Variants in LY86 observed in about 807,000 individuals in gnomAD.
LY86 encodes the protein lymphocyte antigen 86, also known as MD-1, RP105-associated.
In LY86, 20 loss-of-function variants were observed where a neutral mutation model predicts 17.3. The observed-to-expected ratio is 1.15, with a 90% CI of 0.81 to 1.68. The LOEUF is 1.68. LY86 is among the 40% of genes most tolerant of loss of function. LY86 has a pLI of 0.00. For missense variants in LY86, 200 were observed against 191.9 expected, an observed-to-expected ratio of 1.04 and a Z score of -0.25; for synonymous variants, 74 against 70.6, an observed-to-expected ratio of 1.05 and a Z score of -0.24.
rs749469633 is a variant in LY86 at position 6,649,617 on chromosome 6, T to C, written c.353-8T>C. 13 of 1,535,512 alleles carry C rather than the reference T, an allele frequency of 8.5e-6. No homozygotes were observed. The South Asian group carries it at 1.5e-4, about 18-fold the overall frequency. On this transcript the variant is annotated splice_region_variant and splice_polypyrimidine_tract_variant and intron_variant, in intron 3 of 4. Coordinates refer to ENST00000230568, the MANE Select transcript of LY86 (RefSeq NM_004271.4). The stretch of plus-strand genomic sequence containing the variant: ...ATAACATCATCTATGCTTTATATAT[T>C]TTTTCAGAGCAGATTTACTATGCTG...
At chr6:6,590,758 T>C (rs1760498469) in intron 1 of LY86, among the ~76,000 whole-genome samples, 1 of 152,176 alleles carries the variant, frequency 6.6e-6, no homozygotes, top group Non-Finnish European at 1.5e-5. Context: ...AGCATCTGAA[T>C]TGGCCTCACT....
At chr6:6,644,962 C>A (rs9392819) in intron 3 of LY86, among the ~76,000 whole-genome samples, 5,986 of 152,096 alleles carry the variant, frequency 0.039, 120 homozygotes, top group South Asian at 0.056. Flanking sequence ...CATGAGCCCC[C>A]AAAAAAGCTC....
intron 3 of LY86, among the ~76,000 whole-genome samples, chr6:6,631,155 A>C (rs1761892274): frequency 6.6e-6 from 1 of 152,126 alleles, no homozygotes; most frequent in Admixed American, 6.6e-5. Flanking sequence ...TCCAGGCCAT[A>C]CCCCAGACCA....
chr6:6,607,112 T>C (rs964909992), intron 1 of LY86, among the ~76,000 whole-genome samples: 6 of 152,198 alleles, frequency 3.9e-5, no homozygotes, highest in African/African-American at 1.4e-4. Context: ...CAGATAACAA[T>C]AGCACACAGA....
At chr6:6,596,785 T>C (rs1166333717) in intron 1 of LY86, among the ~76,000 whole-genome samples, 2 of 152,250 alleles carry the variant, frequency 1.3e-5, no homozygotes, top group Admixed American at 1.3e-4. Flanking sequence ...CAAGATCCTC[T>C]GGGTTTCCAT....
chr6:6,626,353 T>C lies in LY86; in HGVS notation c.284T>C (p.Leu95Ser), dbSNP rs759462700. 2.5e-6 allele frequency: 4 copies of C among 1,613,992 alleles called. No individual in the cohort carries two copies. In the East Asian group the frequency reaches 8.9e-5, roughly 36 times the overall value. The part of the protein sequence containing the change: ...LALMSQGSSV[L>S]NFSYPICEAA... The stretch of plus-strand genomic sequence containing the variant: ...CTCATGTCTCAAGGCTCATCTGTTT[T>C]GAATTTCTCCTATCCCATCTGTGAG... Residue 95 changes from leucine to serine, a missense_variant, in exon 3 of 5, where the codon TTG becomes TCG. Leu to Ser is a moderately radical substitution (Grantham distance 145). Coordinates refer to ENST00000230568, the MANE Select transcript of LY86 (RefSeq NM_004271.4).
intron 1 of LY86, among the ~76,000 whole-genome samples, chr6:6,601,948 T>C (rs1163304267): frequency 6.6e-6 from 1 of 152,198 alleles, no homozygotes; most frequent in Non-Finnish European, 1.5e-5. Context: ...TGTTTCAACA[T>C]TGCGCAGACC....
intron 1 of LY86, among the ~76,000 whole-genome samples, chr6:6,605,858 GC>G (rs964165752): frequency 1.6e-4 from 25 of 151,856 alleles, no homozygotes; most frequent in South Asian, 2.1e-4. Context: ...TCTTAAGGGG[GC>G]ATCTGGAGCT....
At chr6:6,610,180 A>G (rs1161448574) in intron 1 of LY86, among the ~76,000 whole-genome samples, 1 of 152,228 alleles carries the variant, frequency 6.6e-6, no homozygotes, top group Admixed American at 6.5e-5. Context: ...AAACCTGAGT[A>G]CAGTCTGTAG....
chr6:6,599,748 C>T (rs1760839761), intron 1 of LY86, among the ~76,000 whole-genome samples: 1 of 152,206 alleles, frequency 6.6e-6, no homozygotes. Flanking sequence ...GGCTTCAAGC[C>T]AAGTGCCTCC....
At chr6:6,624,410 T>TGGGAGGGGATGGGATGGGA (rs1480930527) in intron 1 of LY86, among the ~76,000 whole-genome samples, 1 of 40,210 alleles carries the variant, frequency 2.5e-5, no homozygotes. Flanking sequence ...ATGGGATGGG[T>TGGGAGGGGATGGGATGGGA]TGGGATGGGA....
At chr6:6,645,930 C>T (rs1052923132) in intron 3 of LY86, among the ~76,000 whole-genome samples, 2 of 152,122 alleles carry the variant, frequency 1.3e-5, no homozygotes, top group Admixed American at 6.5e-5. Context: ...TTCTGCTTCT[C>T]TTGCCAGAAC....
intron 1 of LY86, among the ~76,000 whole-genome samples, chr6:6,606,940 C>T (rs1561780827): frequency 6.6e-6 from 1 of 152,272 alleles, no homozygotes; most frequent in Non-Finnish European, 1.5e-5. Context: ...CGAGGAGGCG[C>T]TGAGAGCGAG....
intron 1 of LY86, among the ~76,000 whole-genome samples, chr6:6,610,622 A>C (rs528544635): frequency 6.6e-6 from 1 of 151,484 alleles, no homozygotes; most frequent in Admixed American, 6.5e-5. Context: ...CTAGGAACAT[A>C]CCAAGACAGT....
intron 1 of LY86, among the ~76,000 whole-genome samples, chr6:6,617,563 A>T (rs146674018): frequency 2.3e-3 from 357 of 152,332 alleles, no homozygotes; most frequent in Middle Eastern, 0.02. Context: ...ATGAAGTATT[A>T]TACATACGAT....
chr6:6,640,280 G>A (rs1022915184), intron 3 of LY86, among the ~76,000 whole-genome samples: 1 of 152,092 alleles, frequency 6.6e-6, no homozygotes, highest in Non-Finnish European at 1.5e-5. Context: ...GGGAGAGGCC[G>A]GGTGCAGTGT....
At chr6:6,589,611 TAAATAAC>T (rs1554122399) in intron 1 of LY86, among the ~76,000 whole-genome samples, 1 of 152,172 alleles carries the variant, frequency 6.6e-6, no homozygotes, top group Non-Finnish European at 1.5e-5. Context: ...GCTGGGGACT[TAAATAAC>T]AGATTTATTT....
chr6:6,605,896 T>G (rs537584534), intron 1 of LY86, among the ~76,000 whole-genome samples: 15 of 151,856 alleles, frequency 9.9e-5, no homozygotes, highest in African/African-American at 3.6e-4. Context: ...GGGTTCTTAG[T>G]CTCGCTGGCT....
At chr6:6,596,210 G>A (rs1053842865) in intron 1 of LY86, among the ~76,000 whole-genome samples, 22 of 152,146 alleles carry the variant, frequency 1.4e-4, no homozygotes, top group Admixed American at 1.1e-3. Flanking sequence ...AAACATCTCC[G>A]TACAGAATAG....
Sources: gnomAD v4.1 joint callset for allele counts (sites outside exome capture counted in the v4.1 genomes callset) on GRCh38, gnomAD v4.1.1 for gene constraint, MANE v1.5 for transcripts, NCBI Gene and HGNC (gene_info 2026-07-23, HGNC 2026-07-21) for gene names.